The following TMTC1 variants were observed in gnomAD, a reference collection of about 807,000 sequenced individuals.
TMTC1 encodes the protein transmembrane O-mannosyltransferase targeting cadherins 1, also known as protein O-mannosyl-transferase TMTC1.
Under a neutral mutation model 104.8 loss-of-function variants are expected in TMTC1, and 73 were observed. The ratio of observed to expected loss-of-function variants is 0.70; its 90% CI spans 0.58 to 0.85. The LOEUF (loss-of-function observed/expected upper bound fraction) is 0.85, where lower values mean the gene tolerates loss of function less well. Among genes scored for constraint, TMTC1 ranks in the 40% least tolerant of loss-of-function variants. TMTC1 has a pLI of 0.00. For missense variants in TMTC1, 1,035 were observed against 1,096.1 expected, an observed-to-expected ratio of 0.94 and a Z score of 0.79; for synonymous variants, 434 against 428.7, an observed-to-expected ratio of 1.01 and a Z score of -0.15.
At chr12:29,589,921 G>A (rs193156302) in intron 7 of TMTC1, among the ~76,000 whole-genome samples, 2 of 152,302 alleles carry the variant, frequency 1.3e-5, no homozygotes, top group African/African-American at 4.8e-5. Context: ...GCTTAAAAGA[G>A]TTGAGTAACT....
chr12:29,623,197 A>G (rs2136466949), intron 6 of TMTC1, among the ~76,000 whole-genome samples: 1 of 152,340 alleles, frequency 6.6e-6, no homozygotes, highest in African/African-American at 2.4e-5. Context: ...AAAAATGTAG[A>G]GGAACAGATA....
chr12:29,672,285 C>A (rs1302446542), intron 5 of TMTC1, among the ~76,000 whole-genome samples: 2 of 152,162 alleles, frequency 1.3e-5, no homozygotes, highest in Non-Finnish European at 2.9e-5. Flanking sequence ...GTTTCCACAG[C>A]CCCCTGCCAT....
In TMTC1 at chr12:29,783,887, G is replaced by A. The variant is rs1943899604; in HGVS notation, c.-136C>T. ...GCTGCGGCAGCTGGACCCGCCGCGAGCTCCCCGCGCTCCGCCGCCGCCTGC... is the reference window on the plus strand; with the variant it reads ...GCTGCGGCAGCTGGACCCGCCGCGAACTCCCCGCGCTCCGCCGCCGCCTGC... On this transcript the variant is annotated 5_prime_UTR_variant, in exon 1 of 18. Transcript: ENST00000539277. This position sits in a 1 kb window ranked among gnomAD's most constrained non-coding sequence, Gnocchi z 4.7. 1.2e-6 allele frequency: 1 copy of A among 846,780 alleles called. No individual in the cohort carries two copies. The highest frequency in any genetic ancestry group is 9.6e-5 in the East Asian group (1 of 10,406). 52.5% of individuals were successfully genotyped at this position (846,780 alleles called of 1,614,324 possible). A position where few individuals can be genotyped will look rare whatever the true frequency, so the allele number is the denominator to read the frequency against.
intron 2 of TMTC1, among the ~76,000 whole-genome samples, chr12:29,759,684 A>T (rs1469011119): frequency 6.6e-6 from 1 of 152,136 alleles, no homozygotes; most frequent in Non-Finnish European, 1.5e-5. Context: ...GAAAGAGAAC[A>T]CCAGCTCCTT....
Position 29,739,264 on chromosome 12 carries a change from G to A in TMTC1, c.938+12402C>T, listed in dbSNP as rs1190553473. ...TCATCTCCCACTGCTCATGCCCTGA[G>A]CTGCTTGCTCATAGTTGCACGCATT... is the stretch of plus-strand genomic sequence containing the variant. On this transcript the variant is annotated intron_variant, in intron 5 of 17. Transcript: ENST00000539277. 3.9e-5 allele frequency among the ~76,000 whole-genome samples: 6 copies of A among 152,148 alleles called. No individual in the cohort carries two copies. In the South Asian group the frequency reaches 6.2e-4, roughly 16 times the overall value.
intron 6 of TMTC1, among the ~76,000 whole-genome samples, chr12:29,628,113 C>A (rs1938097661): frequency 6.6e-6 from 1 of 152,198 alleles, no homozygotes; most frequent in African/African-American, 2.4e-5. Context: ...GCTTCTTTGA[C>A]TCTTTAATTC....
chr12:29,563,006 A>G (rs1447401490), intron 9 of TMTC1, among the ~76,000 whole-genome samples: 1 of 152,108 alleles, frequency 6.6e-6, no homozygotes. Flanking sequence ...AATTACACCC[A>G]TTATTTCTTC....
chr12:29,701,028 C>CTTTT (rs761664217), intron 5 of TMTC1, among the ~76,000 whole-genome samples: 3 of 142,850 alleles, frequency 2.1e-5, no homozygotes, highest in African/African-American at 7.7e-5. Context: ...GAATTTCTTT[C>CTTTT]TTTTTTTTTT....
intron 6 of TMTC1, among the ~76,000 whole-genome samples, chr12:29,606,140 C>G (rs973485812): frequency 6.6e-6 from 1 of 152,110 alleles, no homozygotes; most frequent in Non-Finnish European, 1.5e-5. Flanking sequence ...GATTCCATGT[C>G]TTTGCTATTG....
chr12:29,745,409 G>A (rs1942926696), intron 5 of TMTC1, among the ~76,000 whole-genome samples: 1 of 152,012 alleles, frequency 6.6e-6, no homozygotes, highest in African/African-American at 2.4e-5. Context: ...GATCACCCAA[G>A]GTCAAGAGTT....
intron 6 of TMTC1, among the ~76,000 whole-genome samples, chr12:29,627,368 T>C (rs1274249844): frequency 1.3e-5 from 2 of 152,190 alleles, no homozygotes; most frequent in Non-Finnish European, 2.9e-5. Context: ...CTCAACTTCA[T>C]TGATCATTAA....
intron 5 of TMTC1, among the ~76,000 whole-genome samples, chr12:29,675,416 G>A (rs1311913347): frequency 6.6e-6 from 1 of 152,096 alleles, no homozygotes; most frequent in Non-Finnish European, 1.5e-5. Flanking sequence ...AAGGAGCTTC[G>A]TGGGACACAG....
rs1944641151 is a variant in TMTC1, at chr12:29,536,289, T to G, written c.1705A>C (p.Thr569Pro). The stretch of plus-strand genomic sequence containing the variant: ...TATTTGATGGAATCCTTCAGTAAGG[T>G]GATAGCTTCTTCCTTTTTCTCCTGG... The part of the protein sequence containing the change: ...KSQEKKEEAI[T>P]LLKDSIKYGP... Residue 569 changes from threonine (T) to proline (P), a missense_variant, in exon 11 of 18, where the codon ACC (threonine) becomes CCC (proline). Physicochemically the swap from Thr to Pro is conservative, Grantham distance 38 (BLOSUM62 -1). Transcript: ENST00000539277. 1.2e-6 allele frequency: 2 copies of G among 1,611,768 alleles called. No individual in the cohort carries two copies. Among genetic ancestry groups the G allele is most frequent in the South Asian group, 1.1e-5 (1 of 90,472 alleles).
chr12:29,647,800 T>C (rs140262177), intron 5 of TMTC1, among the ~76,000 whole-genome samples: 2 of 152,346 alleles, frequency 1.3e-5, no homozygotes, highest in Admixed American at 6.5e-5. Context: ...AGAGCCTTCA[T>C]ATCCTTTCAC....
intron 5 of TMTC1, among the ~76,000 whole-genome samples, chr12:29,664,118 C>A (rs1056573096): frequency 4.1e-4 from 61 of 149,572 alleles, no homozygotes; most frequent in African/African-American, 1.4e-3. Context: ...ACCCGGGAGG[C>A]GGAGCTTGCA....
intron 5 of TMTC1, among the ~76,000 whole-genome samples, chr12:29,711,368 T>A (rs553949151): frequency 6.6e-6 from 1 of 152,332 alleles, no homozygotes; most frequent in East Asian, 1.9e-4. Flanking sequence ...TAAGGGATTA[T>A]TAAAGTAAAA....
chr12:29,629,048 G>A (rs1003069025), intron 6 of TMTC1, among the ~76,000 whole-genome samples: 3 of 151,946 alleles, frequency 2.0e-5, no homozygotes, highest in Non-Finnish European at 4.4e-5. Context: ...GGCCGGGCAC[G>A]GTGGCTCACA....
chr12:29,544,993 T>C (rs1004607575), intron 10 of TMTC1, among the ~76,000 whole-genome samples: 1 of 152,170 alleles, frequency 6.6e-6, no homozygotes, highest in Non-Finnish European at 1.5e-5. Context: ...CCTCTCTAGG[T>C]TCCTGTAAGA....
chr12:29,756,575 T>C (rs1943220651), intron 3 of TMTC1, among the ~76,000 whole-genome samples: 2 of 152,208 alleles, frequency 1.3e-5, no homozygotes, highest in South Asian at 4.1e-4. Flanking sequence ...GAGCATATCT[T>C]AGGTAAAGTT....
Sources: allele counts gnomAD v4.1 joint callset (sites outside exome capture counted in the v4.1 genomes callset), GRCh38; gene constraint gnomAD v4.1.1; non-coding constraint Gnocchi (gnomAD v3.1); transcripts MANE v1.5; gene names NCBI Gene and HGNC (gene_info 2026-07-23, HGNC 2026-07-21).